The following USP47 variants were observed in gnomAD, a reference collection of about 807,000 sequenced individuals.
USP47 encodes ubiquitin carboxyl-terminal hydrolase 47.
Under a neutral mutation model 165.1 loss-of-function variants are expected in USP47, and 35 were observed. That is an observed-to-expected ratio of 0.21 (90% confidence interval 0.16 to 0.28). The LOEUF (loss-of-function observed/expected upper bound fraction) is 0.28, where lower values mean the gene tolerates loss of function less well. Among genes scored for constraint, USP47 ranks in the 10% least tolerant of loss-of-function variants. The pLI is 1.00. For synonymous variants in USP47, 531 were observed against 544.5 expected (o/e 0.98, Z 0.35); for missense variants, 1,277 against 1,607.4 (o/e 0.79, Z 3.52).
intron 14 of USP47, among the ~76,000 whole-genome samples, chr11:11,931,153 A>G (rs982430797): frequency 1.3e-5 from 2 of 151,986 alleles, no homozygotes; most frequent in Non-Finnish European, 2.9e-5. Context: ...TATACAGGTG[A>G]TGTGTTTGCT....
chr11:11,895,504 G>C lies in USP47; in HGVS notation c.497-2093G>C, dbSNP rs79252075. The stretch of plus-strand genomic sequence containing the variant: ...TATTATAAATTTTGGCACCATGTGT[G>C]AAATGTTCTTATTAGAAAATGCTCT... On this transcript the variant is annotated intron_variant, in intron 4 of 27. Coordinates refer to ENST00000527733, the MANE Select transcript of USP47 (RefSeq NM_001282659.2). Among the ~76,000 whole-genome samples, 1,185 of 152,290 alleles carry C rather than the reference G, an allele frequency of 7.8e-3. 21 individuals are homozygous for C. The highest frequency in any genetic ancestry group is 0.027 in the African/African-American group (1,121 of 41,556).
At chr11:11,863,131 T>C (rs775627171) in intron 1 of USP47, among the ~76,000 whole-genome samples, 23 of 152,322 alleles carry the variant, frequency 1.5e-4, no homozygotes, top group Non-Finnish European at 2.8e-4. Flanking sequence ...TAATGATTTA[T>C]AGAGATTGTT....
At chr11:11,907,279 G>C (rs1039455854) in intron 8 of USP47, among the ~76,000 whole-genome samples, 4 of 152,168 alleles carry the variant, frequency 2.6e-5, no homozygotes, top group African/African-American at 9.7e-5. Flanking sequence ...AGTGGTGGTG[G>C]TTCAGTGGGA....
rs1168099350 is a variant in USP47, at chr11:11,928,040, AT to A, written c.1387-1390del. On this transcript the variant is annotated intron_variant, in intron 11 of 27. Coordinates refer to ENST00000527733, the MANE Select transcript of USP47 (RefSeq NM_001282659.2). ...TCATCTAGAAGTTGCTGCTATTAGA[AT>A]TTTCCAGGAAGATAATTATGTTGGC... 3.3e-5 allele frequency among the ~76,000 whole-genome samples: 5 copies of A among 152,130 alleles called. No homozygotes were observed. The East Asian group carries it at 9.7e-4, about 29-fold the overall frequency.
At position 11,956,229 on chromosome 11, in the gene USP47, C is replaced by T; in HGVS notation, c.*54C>T. ...GAGTTTTGGTTTTAATTAGATGGTT[C>T]ACTACCACTGGGTAGTGCCATTTTG... On this transcript the variant is annotated 3_prime_UTR_variant, in exon 28 of 28. Transcript: ENST00000527733. The T allele has an allele frequency of 1.3e-6, 2 of 1,598,070 alleles. No individual in the cohort carries two copies. Among genetic ancestry groups the T allele is most frequent in the Non-Finnish European group, 1.7e-6 (2 of 1,168,982 alleles).
chr11:11,883,288 C>T (rs1055164563), intron 2 of USP47, among the ~76,000 whole-genome samples: 2 of 152,184 alleles, frequency 1.3e-5, no homozygotes, highest in African/African-American at 4.8e-5. Flanking sequence ...GTTTTATTTA[C>T]TTAACACGTC....
In USP47 at chr11:11,960,144, C is replaced by G. The variant is rs1399818863; in HGVS notation, c.*3969C>G. 6.6e-6 allele frequency among the ~76,000 whole-genome samples: 1 copy of G among 152,100 alleles called. No individual in the cohort carries two copies. The highest frequency in any genetic ancestry group is 1.5e-5 in the Non-Finnish European group (1 of 68,034). ...ATTAAGACAATCTTATCTTAAAGTT[C>G]AGTGGTTTCATTCAAAGCTCCCCTG... On this transcript the variant is annotated 3_prime_UTR_variant, in exon 28 of 28. Transcript: ENST00000527733.
chr11:11,949,895 A>C lies in USP47; in HGVS notation c.3355A>C (p.Lys1119Gln). Residue 1119 changes from lysine (K) to glutamine (Q), a missense_variant, in exon 23 of 28, where the codon AAG becomes CAG. Around this residue, in one of 4 missense-constraint regions of USP47, gnomAD observed 909 missense variants for 1,068.1 expected, o/e 0.85. Transcript: ENST00000527733. ...TTTATGTTTATATTTCTAGCCATGCAAGTTTCTGCTAGATGCTGTGTTTGC... is the reference window on the plus strand; with the variant it reads ...TTTATGTTTATATTTCTAGCCATGCCAGTTTCTGCTAGATGCTGTGTTTGC... ...QLLVNEQEPCKFLLDAVFAKG... is the reference protein window; with the variant it reads ...QLLVNEQEPCQFLLDAVFAKG... 3.7e-6 allele frequency: 6 copies of C among 1,608,044 alleles called. No individual in the cohort carries two copies. The highest frequency in any genetic ancestry group is 5.1e-6 in the Non-Finnish European group (6 of 1,175,910).
chr11:11,952,142 T>C (rs1691935188), intron 24 of USP47: 2 of 152,238 alleles, frequency 1.3e-5, no homozygotes, highest in African/African-American at 4.8e-5. Flanking sequence ...GCACACAGTC[T>C]GTGGAAGAAA....
intron 1 of USP47, among the ~76,000 whole-genome samples, chr11:11,854,514 T>G (rs549602755): frequency 1.4e-5 from 2 of 147,656 alleles, no homozygotes; most frequent in South Asian, 4.4e-4. Context: ...AGATATTAGC[T>G]ATTACCACCT....
chr11:11,898,814 T>A (rs1415123785), intron 5 of USP47, among the ~76,000 whole-genome samples: 1 of 152,144 alleles, frequency 6.6e-6, no homozygotes, highest in African/African-American at 2.4e-5. Flanking sequence ...GAGAATACAC[T>A]GTGCAGATAG....
chr11:11,869,556 T>C (rs1331878662), intron 1 of USP47, among the ~76,000 whole-genome samples: 1 of 152,180 alleles, frequency 6.6e-6, no homozygotes, highest in Non-Finnish European at 1.5e-5. Context: ...TTTATTCCTT[T>C]TCAATATCCT....
Position 11,922,809 on chromosome 11 carries a change from C to G in USP47, c.1304C>G (p.Ser435Cys), listed in dbSNP as rs1853930180. Residue 435 changes from serine to cysteine, a missense_variant, in exon 11 of 28, where the codon TCC (serine) becomes TGC (cysteine). Ser to Cys is a moderately radical substitution (Grantham distance 112). This residue lies in a region of USP47 where 175 missense variants were observed against 295.8 expected (regional missense o/e 0.59). Coordinates refer to ENST00000527733, the MANE Select transcript of USP47 (RefSeq NM_001282659.2). ...CHSDQMSNDF[S>C]NDDGVDEGIC... ...AGTGATCAGATGAGCAACGATTTCTCCAATGATGATGGTGTTGATGAAGGA... is the reference window on the plus strand; with the variant it reads ...AGTGATCAGATGAGCAACGATTTCTGCAATGATGATGGTGTTGATGAAGGA... 6.2e-7 allele frequency: 1 copy of G among 1,611,218 alleles called. No individual in the cohort carries two copies. Among genetic ancestry groups the G allele is most frequent in the Admixed American group, 1.7e-5 (1 of 59,858 alleles).
chr11:11,844,749 A>G (rs1236829573), intron 1 of USP47, among the ~76,000 whole-genome samples: 1 of 150,846 alleles, frequency 6.6e-6, no homozygotes, highest in Non-Finnish European at 1.5e-5. Flanking sequence ...GGGCCTTTGT[A>G]TAGGGAACCT....
chr11:11,901,946 G>A (rs1001959414), intron 5 of USP47, among the ~76,000 whole-genome samples: 7 of 145,168 alleles, frequency 4.8e-5, no homozygotes, highest in African/African-American at 7.7e-5. Context: ...GCAACAGAAC[G>A]AGACTCTGTC....
intron 1 of USP47, among the ~76,000 whole-genome samples, chr11:11,865,148 C>G (rs1009473099): frequency 3.3e-5 from 5 of 151,964 alleles, no homozygotes; most frequent in Non-Finnish European, 7.4e-5. Context: ...TTAGGTTTAC[C>G]TTATTTGGGG....
intron 1 of USP47, among the ~76,000 whole-genome samples, chr11:11,858,543 A>G (rs879298366): frequency 6.6e-5 from 10 of 152,102 alleles, no homozygotes; most frequent in Non-Finnish European, 1.5e-4. Flanking sequence ...TCACCTCAAA[A>G]AAGTTCTCTG....
intron 11 of USP47, among the ~76,000 whole-genome samples, chr11:11,928,494 A>G (rs1854420040): frequency 6.6e-6 from 1 of 152,094 alleles, no homozygotes; most frequent in African/African-American, 2.4e-5. Flanking sequence ...AAGGCTCTAC[A>G]ATGCTTTTTA....
intron 1 of USP47, among the ~76,000 whole-genome samples, chr11:11,842,946 C>G (rs969709311): frequency 1.3e-5 from 2 of 148,808 alleles, no homozygotes; most frequent in African/African-American, 5.0e-5. Context: ...CTTGGCTTCT[C>G]TTGAATAGTA....
Sources: gnomAD v4.1 joint callset for allele counts (sites outside exome capture counted in the v4.1 genomes callset) on GRCh38, gnomAD v4.1.1 for gene constraint, gnomAD v4.1.1 regional missense constraint, MANE v1.5 for transcripts, NCBI Gene and HGNC (gene_info 2026-07-23, HGNC 2026-07-21) for gene names.